The following SLC38A4 variants were observed in gnomAD, a reference collection of about 807,000 sequenced individuals.
SLC38A4 encodes solute carrier family 38 member 4.
A neutral mutation model predicts 63.1 loss-of-function variants in SLC38A4; 20 were observed. That is an observed-to-expected ratio of 0.32 (90% confidence interval 0.22 to 0.46). SLC38A4 has a LOEUF of 0.46. Ranked by LOEUF, SLC38A4 falls within the 20% of genes least tolerant of loss-of-function variation. The pLI is 1.00. For synonymous variants in SLC38A4, 230 were observed against 225.5 expected, an observed-to-expected ratio of 1.02 and a Z score of -0.18; for missense variants, 526 against 663.6, an observed-to-expected ratio of 0.79 and a Z score of 2.28.
intron 7 of SLC38A4, among the ~76,000 whole-genome samples, chr12:46,780,603 GT>G (rs66775916): frequency 0.38 from 57,053 of 149,214 alleles, 11,424 homozygotes; most frequent in Middle Eastern, 0.59. Context: ...TGTCAAAGAA[GT>G]TTTTTTTTTT....
At chr12:46,821,209 G>C (rs1225272861) in intron 1 of SLC38A4, among the ~76,000 whole-genome samples, 1 of 151,840 alleles carries the variant, frequency 6.6e-6, no homozygotes, top group African/African-American at 2.4e-5. Context: ...CTGTGCTTTT[G>C]GTGTCATATC....
chr12:46,820,787 C>T (rs7974413), intron 1 of SLC38A4, among the ~76,000 whole-genome samples: 82,486 of 151,800 alleles, frequency 0.54, 23,168 homozygotes, highest in Non-Finnish European at 0.6. Context: ...AATTTATATC[C>T]GCACCAACAG....
chr12:46,830,812 A>C (rs980797473), upstream of SLC38A4, among the ~76,000 whole-genome samples: 2 of 152,184 alleles, frequency 1.3e-5, no homozygotes, highest in Admixed American at 6.5e-5. Context: ...CTCGGCATTT[A>C]ATATCTCCCT....
chr12:46,827,727 C>G (rs890975038), upstream of SLC38A4, among the ~76,000 whole-genome samples: 1 of 151,952 alleles, frequency 6.6e-6, no homozygotes, highest in African/African-American at 2.4e-5. Flanking sequence ...TAAATTTTAT[C>G]TATGCTAAAA....
At chr12:46,812,691 T>C (rs921551819) in intron 1 of SLC38A4, among the ~76,000 whole-genome samples, 27 of 152,044 alleles carry the variant, frequency 1.8e-4, no homozygotes, top group African/African-American at 6.5e-4. Context: ...AAATAAACTA[T>C]AAACATGACT....
chr12:46,778,161 G>C, intron 12 of SLC38A4, 128 bp downstream of exon 12: 1 of 808,004 alleles, frequency 1.2e-6, no homozygotes, highest in Admixed American at 2.3e-5. Context: ...GCATGTTACT[G>C]AGGAGTGGAT....
intron 16 of SLC38A4, among the ~76,000 whole-genome samples, chr12:46,767,063 C>T (rs535505262): frequency 6.6e-6 from 1 of 151,580 alleles, no homozygotes; most frequent in Non-Finnish European, 1.5e-5. Flanking sequence ...GATGGAATAC[C>T]CTGTGATTAT....
At chr12:46,795,105 C>A (rs1240198925) in intron 2 of SLC38A4, among the ~76,000 whole-genome samples, 1 of 151,986 alleles carries the variant, frequency 6.6e-6, no homozygotes, top group East Asian at 1.9e-4. Context: ...TAGCTTGTTA[C>A]TTAAAGTTAG....
At chr12:46,831,979 C>T (rs1285268103) in intron 1 of SLC38A4, among the ~76,000 whole-genome samples, 3 of 148,736 alleles carry the variant, frequency 2.0e-5, no homozygotes, top group Non-Finnish European at 4.4e-5. Flanking sequence ...AATAGGCTAC[C>T]TTGGCACAAC....
chr12:46,771,808 C>A (rs1485728628), intron 14 of SLC38A4, among the ~76,000 whole-genome samples: 1 of 152,070 alleles, frequency 6.6e-6, no homozygotes, highest in Non-Finnish European at 1.5e-5. Context: ...TTTGCTAGGG[C>A]AGACCACTGG....
At chr12:46,788,487 C>G in intron 4 of SLC38A4, 41 bp downstream of exon 4, 2 of 1,509,550 alleles carry the variant, frequency 1.3e-6, no homozygotes, top group Non-Finnish European at 1.8e-6. Context: ...GATCAGACAC[C>G]CTCAGTCCCG....
intron 1 of SLC38A4, among the ~76,000 whole-genome samples, chr12:46,805,606 A>C (rs1011731388): frequency 6.6e-6 from 1 of 152,084 alleles, no homozygotes. Flanking sequence ...ACCACAATGT[A>C]ATCTCATGCG....
intron 1 of SLC38A4, among the ~76,000 whole-genome samples, chr12:46,805,129 A>G (rs948636971): frequency 9.2e-5 from 14 of 152,078 alleles, no homozygotes; most frequent in African/African-American, 2.9e-4. Context: ...GTGGAGATAA[A>G]TGTATAGATC....
In SLC38A4 at chr12:46,778,589, G is replaced by A. The variant is rs1168872665; in HGVS notation, c.905C>T (p.Ala302Val). Reference protein sequence around the residue: ...RNPAGLDENQAKGSLHDSGVE... With the variant: ...RNPAGLDENQVKGSLHDSGVE... ...TCCACTGTCATGAAGAGAGCCCTTG[G>A]CCTGGTTCTCATCCAGCCCTGCAGG... Residue 302 changes from alanine to valine, a missense_variant, in exon 11 of 17, where the codon GCC becomes GTC. Physicochemically the swap from Ala to Val is moderately conservative, Grantham distance 64 (BLOSUM62 0). Transcript: ENST00000266579. 2 of 1,612,866 alleles carry A rather than the reference G, an allele frequency of 1.2e-6. No individual in the cohort carries two copies. Among genetic ancestry groups the A allele is most frequent in the Non-Finnish European group, 1.7e-6 (2 of 1,179,398 alleles).
intron 4 of SLC38A4, among the ~76,000 whole-genome samples, 162 bp downstream of exon 4, chr12:46,788,366 G>A (rs565715162): frequency 6.6e-6 from 1 of 152,136 alleles, no homozygotes; most frequent in South Asian, 2.1e-4. Context: ...GCCATATGGC[G>A]AACAGGAAAA....
chr12:46,785,327 C>G (rs1938735461), intron 5 of SLC38A4, 150 bp from the exon 6 acceptor site: 6 of 638,882 alleles, frequency 9.4e-6, no homozygotes, highest in South Asian at 8.0e-5. Flanking sequence ...AAATTCTTTT[C>G]AGAACTCTAC....
chr12:46,788,656 T>A, intron 3 of SLC38A4, 38 bp from the exon 4 acceptor site: 3 of 1,513,976 alleles, frequency 2.0e-6, no homozygotes, highest in Non-Finnish European at 2.7e-6. Flanking sequence ...AGTGAAAACA[T>A]CTAAATATAT....
intron 3 of SLC38A4, among the ~76,000 whole-genome samples, chr12:46,789,943 T>A (rs1043493458): frequency 2.0e-5 from 3 of 152,034 alleles, no homozygotes; most frequent in Non-Finnish European, 4.4e-5. Context: ...CCGAGTGTGG[T>A]GGCAGGCGCC....
chr12:46,788,616 T>C lies in SLC38A4; in HGVS notation c.122A>G (p.Gln41Arg), dbSNP rs748036558. The C allele has an allele frequency of 6.2e-7, 1 of 1,611,456 alleles. No individual in the cohort carries two copies. Among genetic ancestry groups the C allele is most frequent in the South Asian group, 1.1e-5 (1 of 90,988 alleles). ...ACTTTCAGTGTCTTCATTAGCAAAT[T>C]GACTGAACACACACACACACAAATA... ...GNSEKAAMSS[Q>R]FANEDTESQK... The change falls in exon 4 of 17, where the codon CAA becomes CGA. Residue 41 changes from glutamine (Q) to arginine (R), a missense_variant and splice_region_variant. Physicochemically the swap from Gln to Arg is conservative, Grantham distance 43 (BLOSUM62 1). Transcript: ENST00000266579.
Sources: gnomAD v4.1 joint callset for allele counts (sites outside exome capture counted in the v4.1 genomes callset) on GRCh38, gnomAD v4.1.1 for gene constraint, MANE v1.5 for transcripts, NCBI Gene and HGNC (gene_info 2026-07-23, HGNC 2026-07-21) for gene names.